DOCK10: variants seen among roughly 807,000 people sequenced by gnomAD.
The protein encoded by DOCK10 is dedicator of cytokinesis 10, also known as dedicator of cytokinesis protein 10.
DOCK10 carries 145 observed loss-of-function variants against 280.1 expected under a neutral mutation model. The observed-to-expected ratio is 0.52, with a 90% CI of 0.45 to 0.59. DOCK10 has a LOEUF of 0.59. Ranked by LOEUF, DOCK10 falls within the 20% of genes least tolerant of loss-of-function variation. The pLI is 0.00. For missense variants in DOCK10, 2,368 were observed against 2,651.7 expected (o/e 0.89, Z 2.35); for synonymous variants, 915 against 942.2 (o/e 0.97, Z 0.53).
At chr2:224,795,153 T>C in intron 44 of DOCK10, 59 bp from the exon 45 acceptor site, 5 of 1,476,412 alleles carry the variant, frequency 3.4e-6, no homozygotes, top group Non-Finnish European at 4.7e-6. Flanking sequence ...TTAACTGACT[T>C]TAAGTTATGC....
intron 14 of DOCK10, among the ~76,000 whole-genome samples, chr2:224,858,232 T>C (rs1697270653): frequency 6.6e-6 from 1 of 152,224 alleles, no homozygotes; most frequent in African/African-American, 2.4e-5. Context: ...GGAACTCGAT[T>C]TGCCCTTATC....
intron 29 of DOCK10, among the ~76,000 whole-genome samples, chr2:224,817,492 T>C (rs1694204280): frequency 6.6e-6 from 1 of 152,224 alleles, no homozygotes; most frequent in African/African-American, 2.4e-5. Flanking sequence ...TTATATCTTG[T>C]GGCAACTTTA....
At chr2:224,785,740 A>G (rs1691689537) in intron 50 of DOCK10, among the ~76,000 whole-genome samples, 1 of 152,176 alleles carries the variant, frequency 6.6e-6, no homozygotes, top group Admixed American at 6.5e-5. Context: ...TCAGCCTCTC[A>G]AAGTACTGGA....
At chr2:224,996,055 T>C (rs1706265271) in intron 1 of DOCK10, among the ~76,000 whole-genome samples, 1 of 152,234 alleles carries the variant, frequency 6.6e-6, no homozygotes, top group South Asian at 2.1e-4. Flanking sequence ...GGCTAGGCCA[T>C]TACTTGGCCT....
At chr2:224,831,948 T>C (rs1193905455) in intron 26 of DOCK10, among the ~76,000 whole-genome samples, 2 of 152,204 alleles carry the variant, frequency 1.3e-5, no homozygotes, top group East Asian at 1.9e-4. Flanking sequence ...CTTGTTCTCT[T>C]AGCTCCTCTT....
Position 224,770,665 on chromosome 2 carries a change from TGAA to T in DOCK10, c.6205-23_6205-21del, listed in dbSNP as rs776515478. 7 of 1,566,900 alleles carry T rather than the reference TGAA, an allele frequency of 4.5e-6. No homozygotes were observed. Among genetic ancestry groups the T allele is most frequent in the Non-Finnish European group, 6.2e-6 (7 of 1,137,252 alleles). ...ATTAACCTGTTGAGAAGAAAATTGG[TGAA>T]GGATGATCTACCTTCTGCATGGAGT... On this transcript the variant is annotated intron_variant, in intron 53 of 55. Coordinates refer to ENST00000258390, the MANE Select transcript of DOCK10 (RefSeq NM_014689.3). The surrounding 1 kb of genome is among the most constrained non-coding windows in gnomAD (Gnocchi z 4.5).
intron 26 of DOCK10, 68 bp from the exon 27 acceptor site, chr2:224,830,680 G>T: frequency 1.1e-6 from 1 of 897,816 alleles, no homozygotes; most frequent in South Asian, 2.1e-5. Context: ...TTTTTTCTTT[G>T]CAATATGTAA....
At chr2:224,931,791 G>T in intron 1 of DOCK10, 123 bp from the exon 2 acceptor site, 2 of 1,069,430 alleles carry the variant, frequency 1.9e-6, no homozygotes, top group Non-Finnish European at 2.5e-6. Flanking sequence ...TTCCAATGCA[G>T]TCACAGAGAC....
At chr2:224,852,097 A>C (rs867778939) in intron 18 of DOCK10, among the ~76,000 whole-genome samples, 11 of 152,242 alleles carry the variant, frequency 7.2e-5, no homozygotes, top group South Asian at 4.1e-4. Flanking sequence ...AATCTTTGAA[A>C]AAGGCAACAT....
intron 1 of DOCK10, among the ~76,000 whole-genome samples, chr2:224,966,042 C>G (rs1042696862): frequency 5.3e-5 from 8 of 152,168 alleles, no homozygotes; most frequent in Admixed American, 2.0e-4. Context: ...AATGTAATTA[C>G]TTACTATCTA....
At chr2:224,887,432 C>T (rs995373768) in intron 4 of DOCK10, among the ~76,000 whole-genome samples, 13 of 152,164 alleles carry the variant, frequency 8.5e-5, no homozygotes, top group African/African-American at 3.1e-4. Flanking sequence ...ATTCAAGTTG[C>T]AACATCTCCG....
At chr2:224,873,594 CAAAAAAAAAAA>C (rs35401247) in intron 11 of DOCK10, among the ~76,000 whole-genome samples, 793 of 33,696 alleles carry the variant, frequency 0.024, 18 homozygotes, top group African/African-American at 0.073. Context: ...AAGACCATCT[CAAAAAAAAAAA>C]AAAAAAAAAA....
intron 2 of DOCK10, among the ~76,000 whole-genome samples, chr2:224,917,931 G>A (rs573561618): frequency 1.3e-5 from 2 of 152,088 alleles, no homozygotes; most frequent in South Asian, 2.1e-4. Flanking sequence ...CTGAGATCTC[G>A]TATATTGCAC....
chr2:224,906,942 C>A (rs189194079), intron 3 of DOCK10, among the ~76,000 whole-genome samples: 1 of 149,200 alleles, frequency 6.7e-6, no homozygotes, highest in African/African-American at 2.5e-5. Flanking sequence ...CTCCTCTAAT[C>A]TTTCATCCAA....
At chr2:224,806,390 A>G (rs958600335) in intron 33 of DOCK10, among the ~76,000 whole-genome samples, 153 bp from the exon 34 acceptor site, 51 of 152,184 alleles carry the variant, frequency 3.4e-4, no homozygotes, top group African/African-American at 1.2e-3. Context: ...AGGCAGTGAA[A>G]ACAAATACAG....
At chr2:224,855,077 A>G (rs374372247) in intron 15 of DOCK10, 35 bp from the exon 16 acceptor site, 4 of 1,113,412 alleles carry the variant, frequency 3.6e-6, no homozygotes, top group African/African-American at 1.6e-5. Context: ...ACACACACAC[A>G]CACACACACA....
At chr2:224,923,536 C>T (rs1701883707) in intron 2 of DOCK10, among the ~76,000 whole-genome samples, 1 of 152,184 alleles carries the variant, frequency 6.6e-6, no homozygotes, top group Non-Finnish European at 1.5e-5. Context: ...GGTCTGTGGT[C>T]TGAGTTTACC....
chr2:224,969,586 T>C (rs944311643), intron 1 of DOCK10, among the ~76,000 whole-genome samples: 20 of 152,322 alleles, frequency 1.3e-4, no homozygotes, highest in African/African-American at 4.3e-4. Flanking sequence ...CCCCTGAAGA[T>C]GTGATACTAC....
At chr2:225,021,890 A>G (rs13423712) in intron 1 of DOCK10, among the ~76,000 whole-genome samples, 34,127 of 152,106 alleles carry the variant, frequency 0.22, 4,036 homozygotes, top group Non-Finnish European at 0.23. Context: ...AAATTTCACC[A>G]TATAACTAAG....
Sources: allele counts gnomAD v4.1 joint callset (sites outside exome capture counted in the v4.1 genomes callset), GRCh38; gene constraint gnomAD v4.1.1; non-coding constraint Gnocchi (gnomAD v3.1); transcripts MANE v1.5; gene names NCBI Gene and HGNC (gene_info 2026-07-23, HGNC 2026-07-21).